ZNF385D: variants seen among roughly 807,000 people sequenced by gnomAD.
The protein encoded by ZNF385D is zinc finger protein 659.
Under a neutral mutation model 35.8 loss-of-function variants are expected in ZNF385D, and 15 were observed. The ratio of observed to expected loss-of-function variants is 0.42; its 90% CI spans 0.28 to 0.64. The LOEUF is 0.64. ZNF385D is among the 30% of genes least tolerant of loss of function. The pLI is 0.23. For synonymous variants in ZNF385D, 212 were observed against 186.8 expected (o/e 1.13, Z -1.10); for missense variants, 474 against 494.6 (o/e 0.96, Z 0.39).
At chr3:22,125,021 G>T (rs923695423) in intron 3 of ZNF385D, among the ~76,000 whole-genome samples, 4 of 151,988 alleles carry the variant, frequency 2.6e-5, no homozygotes, top group Non-Finnish European at 5.9e-5. Flanking sequence ...GTTTCCCCAA[G>T]GTTTTATTTT....
At chr3:22,106,756 C>A (rs192884260) in intron 3 of ZNF385D, among the ~76,000 whole-genome samples, 33 of 152,294 alleles carry the variant, frequency 2.2e-4, no homozygotes, top group Non-Finnish European at 4.4e-4. Context: ...TGTGACGCAA[C>A]TGGATCTGTA....
At chr3:21,687,395 AT>A (rs932086850) in intron 1 of ZNF385D, among the ~76,000 whole-genome samples, 5 of 152,034 alleles carry the variant, frequency 3.3e-5, no homozygotes, top group East Asian at 1.9e-4. Context: ...ATAACTCATA[AT>A]TTTTTTTATT....
rs578139164 is a variant in ZNF385D, at chr3:21,590,190, T to G, written c.166-25506A>C. Among the ~76,000 whole-genome samples, 7 of 152,246 alleles carry G rather than the reference T, an allele frequency of 4.6e-5. No individual in the cohort carries two copies. In the East Asian group the frequency reaches 1.4e-3, roughly 29 times the overall value. ...AATAAGAAAGGAATGCAGCTAAATGTGTCAACATGGATGGATCTCAGACAC... is the reference window on the plus strand; with the variant it reads ...AATAAGAAAGGAATGCAGCTAAATGGGTCAACATGGATGGATCTCAGACAC... On this transcript the variant is annotated intron_variant, in intron 2 of 7. Coordinates refer to ENST00000281523, the MANE Select transcript of ZNF385D (RefSeq NM_024697.3).
At chr3:21,996,618 G>A (rs1223704058) in intron 3 of ZNF385D, among the ~76,000 whole-genome samples, 1 of 152,122 alleles carries the variant, frequency 6.6e-6, no homozygotes, top group Non-Finnish European at 1.5e-5. Flanking sequence ...TCTCACATAT[G>A]TTTCAGCTTA....
chr3:22,278,847 T>C (rs1190845077), intron 2 of ZNF385D, among the ~76,000 whole-genome samples: 1 of 152,128 alleles, frequency 6.6e-6, no homozygotes, highest in African/African-American at 2.4e-5. Context: ...CTGGGTTTAC[T>C]GGAAGCCTTG....
intron 3 of ZNF385D, among the ~76,000 whole-genome samples, chr3:21,863,798 C>T (rs558239530): frequency 6.6e-6 from 1 of 152,264 alleles, no homozygotes; most frequent in East Asian, 1.9e-4. Context: ...AGAAAGAAAA[C>T]TAACTCTATT....
intron 4 of ZNF385D, among the ~76,000 whole-genome samples, chr3:21,494,339 G>C (rs976796739): frequency 1.3e-5 from 2 of 152,084 alleles, no homozygotes. Flanking sequence ...AACAGTTACA[G>C]GGTCTTATGT....
intron 4 of ZNF385D, among the ~76,000 whole-genome samples, chr3:21,490,507 A>C (rs1471315800): frequency 6.6e-6 from 1 of 152,160 alleles, no homozygotes; most frequent in Non-Finnish European, 1.5e-5. Flanking sequence ...CAACCAATAG[A>C]GTATGATGAG....
Position 21,412,493 on chromosome 3 carries a change from C to T in ZNF385D, c.*8721G>A, listed in dbSNP as rs1203204765. 3 of 151,956 alleles carry T rather than the reference C, an allele frequency of 2.0e-5. No individual in the cohort carries two copies. Among genetic ancestry groups the T allele is most frequent in the Admixed American group, 2.0e-4 (3 of 15,254 alleles). 9.4% of individuals were successfully genotyped at this position (151,956 alleles called of 1,614,324 possible). A position where few individuals can be genotyped will look rare whatever the true frequency, so the allele number is the denominator to read the frequency against. ...AAAGTTTCCCAAATTGAAAACATTG[C>T]CTATGGATTATCTACAGAAGAGAGG... On this transcript the variant is annotated 3_prime_UTR_variant, in exon 8 of 8. Transcript: ENST00000281523.
At chr3:22,348,736 A>AG (rs894115398) in intron 2 of ZNF385D, among the ~76,000 whole-genome samples, 3 of 152,048 alleles carry the variant, frequency 2.0e-5, no homozygotes, top group Admixed American at 6.6e-5. Context: ...AGGCACTTAT[A>AG]GGGGAATATC....
At chr3:21,928,247 A>AAAGGAAGGAAGAAGGAAGG (rs1288781033) in intron 3 of ZNF385D, among the ~76,000 whole-genome samples, 1 of 137,518 alleles carries the variant, frequency 7.3e-6, no homozygotes, top group Non-Finnish European at 1.6e-5. Context: ...CGGAAGGAAG[A>AAAGGAAGGAAGAAGGAAGG]AAGGAAGGAA....
intron 3 of ZNF385D, among the ~76,000 whole-genome samples, chr3:21,989,183 C>A (rs1481927057): frequency 1.3e-5 from 2 of 152,274 alleles, no homozygotes; most frequent in Non-Finnish European, 2.9e-5. Flanking sequence ...CCTCCGACCC[C>A]ATCTCCCTCA....
At chr3:21,532,522 TTTCCTTC>T (rs2061947838) in intron 3 of ZNF385D, among the ~76,000 whole-genome samples, 1 of 152,166 alleles carries the variant, frequency 6.6e-6, no homozygotes, top group South Asian at 2.1e-4. Flanking sequence ...AACATTTTAG[TTTCCTTC>T]TGGTTGTCTC....
chr3:22,317,233 C>T (rs767977928), intron 2 of ZNF385D, among the ~76,000 whole-genome samples: 8 of 126,472 alleles, frequency 6.3e-5, no homozygotes, highest in South Asian at 5.5e-4. Context: ...GCCAAGATCG[C>T]GCTATTGCAC....
chr3:21,466,578 C>G (rs1466385514), intron 4 of ZNF385D, among the ~76,000 whole-genome samples: 1 of 152,138 alleles, frequency 6.6e-6, no homozygotes, highest in Non-Finnish European at 1.5e-5. Flanking sequence ...ACACCTGTAT[C>G]TCAATTTCCT....
intron 3 of ZNF385D, among the ~76,000 whole-genome samples, chr3:21,812,564 G>C (rs958064230): frequency 6.6e-5 from 10 of 152,244 alleles, no homozygotes; most frequent in African/African-American, 2.4e-4. Flanking sequence ...TGCCTGGCTT[G>C]GAGGGTCCCA....
chr3:21,527,084 G>A (rs1216526248), intron 3 of ZNF385D, among the ~76,000 whole-genome samples: 4 of 152,064 alleles, frequency 2.6e-5, no homozygotes, highest in Admixed American at 1.3e-4. Flanking sequence ...TAAGGAAAAG[G>A]TGTAATATAA....
chr3:21,780,755 T>C (rs1210533136), intron 3 of ZNF385D, among the ~76,000 whole-genome samples: 1 of 151,978 alleles, frequency 6.6e-6, no homozygotes, highest in Non-Finnish European at 1.5e-5. Context: ...ATCATTTTTG[T>C]TCAACTTTCA....
At chr3:22,372,373 C>T (rs1696951575) in intron 2 of ZNF385D, 1 of 922,912 alleles carries the variant, frequency 1.1e-6, no homozygotes, top group Non-Finnish European at 1.3e-6. Context: ...CGCAGGGGCG[C>T]AACCCTAGCT....
Sources: gnomAD v4.1 joint callset for allele counts (sites outside exome capture counted in the v4.1 genomes callset) on GRCh38, gnomAD v4.1.1 for gene constraint, MANE v1.5 for transcripts, NCBI Gene and HGNC (gene_info 2026-07-23, HGNC 2026-07-21) for gene names.